DIAPH2: variants seen among roughly 807,000 people sequenced by gnomAD.
DIAPH2 encodes protein diaphanous homolog 2.
In DIAPH2, 35 loss-of-function variants were observed where a neutral mutation model predicts 92.7. The ratio of observed to expected loss-of-function variants is 0.38; its 90% CI spans 0.29 to 0.50. DIAPH2 has a LOEUF of 0.50. Among genes scored for constraint, DIAPH2 ranks in the 20% least tolerant of loss-of-function variants. The pLI is 0.94. For synonymous variants in DIAPH2, 301 were observed against 280.4 expected (o/e 1.07, Z -0.73); for missense variants, 701 against 819.5 (o/e 0.86, Z 1.77).
At chrX:97,231,445 AAT>A (rs1205903602) in intron 22 of DIAPH2, among the ~76,000 whole-genome samples, 5 of 111,069 alleles carry the variant, frequency 4.5e-5, no homozygotes, top group African/African-American at 1.6e-4. Context: ...TTTAAAAATA[AAT>A]ATGGTAAGTA....
chrX:96,751,652 G>T (rs188494066), intron 3 of DIAPH2, among the ~76,000 whole-genome samples: 1,866 of 59,587 alleles, frequency 0.031, 63 homozygotes, highest in African/African-American at 0.065. Context: ...TCAGTGTTTT[G>T]TTTTTTTTTT....
At chrX:96,843,661 G>A (rs1314219500) in intron 4 of DIAPH2, among the ~76,000 whole-genome samples, 4 of 111,310 alleles carry the variant, frequency 3.6e-5, no homozygotes, top group South Asian at 3.8e-4. Context: ...AAAACTTTAA[G>A]CAGTGCACTT....
At chrX:96,963,961 C>T in intron 16 of DIAPH2, among the ~76,000 whole-genome samples, 1 of 110,102 alleles carries the variant, frequency 9.1e-6, no homozygotes, top group East Asian at 2.9e-4. Flanking sequence ...ATTGATATAC[C>T]TTAATTTTTT....
At chrX:97,507,010 CAA>C (rs2070839920) in intron 26 of DIAPH2, among the ~76,000 whole-genome samples, 1 of 110,257 alleles carries the variant, frequency 9.1e-6, no homozygotes. Context: ...GTTGTAAAAA[CAA>C]AGAAGAATAT....
intron 23 of DIAPH2, among the ~76,000 whole-genome samples, chrX:97,340,543 G>A (rs1198877711): frequency 1.8e-5 from 2 of 111,394 alleles, no homozygotes; most frequent in African/African-American, 6.5e-5. Flanking sequence ...TCTACAGGTA[G>A]CTGTAAAGAT....
At chrX:97,328,345 G>T (rs939695012) in intron 23 of DIAPH2, among the ~76,000 whole-genome samples, 6 of 111,357 alleles carry the variant, frequency 5.4e-5, no homozygotes, top group African/African-American at 2.0e-4. Flanking sequence ...TGAGGTTGGA[G>T]AATCGCTTGA....
chrX:97,057,681 G>A (rs943159773), intron 17 of DIAPH2, among the ~76,000 whole-genome samples: 6 of 112,019 alleles, frequency 5.4e-5, no homozygotes, highest in African/African-American at 1.9e-4. Context: ...ATGGAATAAT[G>A]TTCTAATCCT....
chrX:97,388,017 T>C (rs917540953), intron 25 of DIAPH2, among the ~76,000 whole-genome samples: 1 of 111,565 alleles, frequency 9.0e-6, no homozygotes, highest in Non-Finnish European at 1.9e-5. Flanking sequence ...GGATCATTGG[T>C]TTTTATTTGA....
chrX:97,415,496 A>G (rs916501740), intron 25 of DIAPH2, among the ~76,000 whole-genome samples: 3 of 111,949 alleles, frequency 2.7e-5, no homozygotes, highest in African/African-American at 9.8e-5. Context: ...AATGTGGCAC[A>G]TATTCACCAT....
intron 5 of DIAPH2, among the ~76,000 whole-genome samples, chrX:96,906,424 A>G (rs1416444007): frequency 8.9e-6 from 1 of 112,522 alleles, no homozygotes; most frequent in Non-Finnish European, 1.9e-5. Context: ...TGCATTTTGG[A>G]CTAGAAGATT....
intron 26 of DIAPH2, among the ~76,000 whole-genome samples, chrX:97,558,885 T>C (rs997440635): frequency 1.8e-5 from 2 of 111,668 alleles, no homozygotes; most frequent in African/African-American, 6.5e-5. Flanking sequence ...CACAGTTAGT[T>C]AGGAATTATG....
At chrX:96,721,896 C>G (rs2063990706) in intron 1 of DIAPH2, among the ~76,000 whole-genome samples, 1 of 112,059 alleles carries the variant, frequency 8.9e-6, no homozygotes, top group African/African-American at 3.2e-5. Context: ...AATCAGAGAA[C>G]TAAAAACAAT....
At chrX:97,050,918 CATT>C (rs2066516375) in intron 17 of DIAPH2, among the ~76,000 whole-genome samples, 1 of 111,940 alleles carries the variant, frequency 8.9e-6, no homozygotes, top group Admixed American at 9.5e-5. Flanking sequence ...AAGGTGGTAA[CATT>C]GTTTCTAGGT....
chrX:96,884,223 C>T (rs1288347416), intron 5 of DIAPH2: 59 of 801,238 alleles, frequency 7.4e-5, no homozygotes, highest in Non-Finnish European at 1.0e-4. Flanking sequence ...GTGGAGAGCT[C>T]GAAGCCTTCT....
chrX:97,220,758 A>G (rs1392575801), intron 22 of DIAPH2, among the ~76,000 whole-genome samples: 1 of 112,115 alleles, frequency 8.9e-6, no homozygotes, highest in African/African-American at 3.2e-5. Flanking sequence ...GGCTGTGTAG[A>G]GCTTCTCCTG....
intron 4 of DIAPH2, among the ~76,000 whole-genome samples, chrX:96,805,854 G>T (rs2064620275): frequency 8.9e-6 from 1 of 112,119 alleles, no homozygotes; most frequent in African/African-American, 3.2e-5. Flanking sequence ...TGACTCTTTG[G>T]AAACGTTTCT....
intron 23 of DIAPH2, among the ~76,000 whole-genome samples, chrX:97,268,856 CTTTTTTTTTT>C (rs747116851): frequency 1.2e-5 from 1 of 86,942 alleles, no homozygotes; most frequent in Non-Finnish European, 2.2e-5. Context: ...TCTTTTCTTT[CTTTTTTTTTT>C]TTTTTTTTGA....
chrX:96,901,545 T>G (rs867008210), intron 5 of DIAPH2, among the ~76,000 whole-genome samples: 1 of 64,726 alleles, frequency 1.5e-5, no homozygotes, highest in Non-Finnish European at 2.9e-5. Flanking sequence ...TTTTTTTTTT[T>G]TTTTTTTTTT....
intron 26 of DIAPH2, among the ~76,000 whole-genome samples, chrX:97,504,961 C>T (rs776234923): frequency 3.6e-5 from 4 of 111,617 alleles, no homozygotes; most frequent in South Asian, 3.8e-4. Flanking sequence ...ATACATCACA[C>T]GGCTGTAATA....
Sources: allele counts gnomAD v4.1 joint callset (sites outside exome capture counted in the v4.1 genomes callset), GRCh38; gene constraint gnomAD v4.1.1; transcripts MANE v1.5; gene names NCBI Gene and HGNC (gene_info 2026-07-23, HGNC 2026-07-21).